Variants in FAXC observed in about 807,000 individuals in gnomAD.
The protein encoded by FAXC is failed axon connections homolog, metaxin like GST domain containing, also known as failed axon connections homolog.
In FAXC, 10 loss-of-function variants were observed where a neutral mutation model predicts 41.9. The observed-to-expected ratio is 0.24, with a 90% confidence interval of 0.15 to 0.41. The LOEUF (loss-of-function observed/expected upper bound fraction) is 0.41, where lower values mean the gene tolerates loss of function less well. FAXC is among the 10% of genes least tolerant of loss of function. The pLI is 1.00. For synonymous variants in FAXC, 183 were observed against 183.8 expected, an observed-to-expected ratio of 1.00 and a Z score of 0.03; for missense variants, 399 against 510.9, an observed-to-expected ratio of 0.78 and a Z score of 2.11.
intron 4 of FAXC, among the ~76,000 whole-genome samples, chr6:99,318,152 G>C (rs909380458): frequency 6.6e-6 from 1 of 151,806 alleles, no homozygotes; most frequent in Non-Finnish European, 1.5e-5. Flanking sequence ...CCAGCTACTC[G>C]GGAGGCTGAG....
At position 99,281,642 on chromosome 6, in the gene FAXC, T is replaced by C. The variant is rs147309252; in HGVS notation, c.941-189A>G. ...CCTCATTCGTGGTACTAGTACCTCA[T>C]AACAGAGGCCTGAGAGAGCTGCCTT... On this transcript the variant is annotated intron_variant, in intron 5 of 5. Coordinates refer to ENST00000389677, the MANE Select transcript of FAXC (RefSeq NM_032511.4). 2.0e-5 allele frequency among the ~76,000 whole-genome samples: 3 copies of C among 152,298 alleles called. No homozygotes were observed. The East Asian group carries it at 5.8e-4, about 29-fold the overall frequency.
chr6:99,333,676 G>T, intron 2 of FAXC, 129 bp from the exon 3 acceptor site: 1 of 755,364 alleles, frequency 1.3e-6, no homozygotes, highest in Non-Finnish European at 2.1e-6. Flanking sequence ...ATGAACTCAG[G>T]GCATAAACTC....
chr6:99,341,687 A>G (rs1773432947), intron 2 of FAXC, among the ~76,000 whole-genome samples: 2 of 152,224 alleles, frequency 1.3e-5, no homozygotes, highest in Non-Finnish European at 2.9e-5. Flanking sequence ...TGCTCCTTTC[A>G]GACAAAAAAA....
rs750007407 is a variant in FAXC at position 99,324,350 on chromosome 6, GCAC to G, written c.600-686_600-684del. On this transcript the variant is annotated intron_variant, in intron 3 of 5. Transcript: ENST00000389677. ...CCAGAGTAGCTGTGACTACAGGCAT[GCAC>G]CACCACACCTAGCCTTTTTGCTTTT... 2.6e-5 allele frequency among the ~76,000 whole-genome samples: 4 copies of G among 152,236 alleles called. No individual in the cohort carries two copies. In the South Asian group the frequency reaches 6.2e-4, roughly 24 times the overall value.
chr6:99,328,241 C>T (rs1370640426), intron 3 of FAXC, among the ~76,000 whole-genome samples: 1 of 152,170 alleles, frequency 6.6e-6, no homozygotes, highest in Non-Finnish European at 1.5e-5. Context: ...TGTGTTGAAA[C>T]CTAACCCCCA....
chr6:99,309,743 A>G (rs757757908), intron 4 of FAXC: 1 of 183,662 alleles, frequency 5.4e-6, no homozygotes, highest in Non-Finnish European at 1.0e-5. Context: ...GAGTTATTGA[A>G]TAATAAGTAA....
At chr6:99,334,552 T>C in intron 2 of FAXC, 2 of 850,874 alleles carry the variant, frequency 2.4e-6, no homozygotes, top group Non-Finnish European at 2.8e-6. Flanking sequence ...TTCTAGAAGC[T>C]GCTAATACAT....
intron 4 of FAXC, among the ~76,000 whole-genome samples, chr6:99,319,949 T>G (rs1201408056): frequency 1.3e-5 from 2 of 152,226 alleles, no homozygotes; most frequent in Non-Finnish European, 2.9e-5. Context: ...AATCTCCTAA[T>G]TTCTATAAAT....
intron 2 of FAXC, among the ~76,000 whole-genome samples, chr6:99,335,550 T>C (rs1773185560): frequency 6.6e-6 from 1 of 152,210 alleles, no homozygotes; most frequent in African/African-American, 2.4e-5. Context: ...TATCAGCAAA[T>C]CGGGCATCAG....
intron 4 of FAXC, among the ~76,000 whole-genome samples, chr6:99,305,623 G>A (rs221530): frequency 0.75 from 113,365 of 151,258 alleles, 42,724 homozygotes; most frequent in Middle Eastern, 0.88. Context: ...AAACCCATGA[G>A]AATAATATAG....
At position 99,275,174 on chromosome 6, in the gene FAXC, A is replaced by G. The variant is rs1172841762; in HGVS notation, c.*5990T>C. 1 of 152,204 alleles carries G rather than the reference A, an allele frequency of 6.6e-6. No individual in the cohort carries two copies. The highest frequency in any genetic ancestry group is 1.5e-5 in the Non-Finnish European group (1 of 68,032). 9.4% of individuals were successfully genotyped at this position (152,204 alleles called of 1,614,324 possible). ...AATAAATAAAAATAAATGCATGCCA[A>G]TGGGGGGTGGGAGGTGAATTAGTCA... On this transcript the variant is annotated 3_prime_UTR_variant, in exon 6 of 6. Transcript: ENST00000389677.
chr6:99,315,053 G>A (rs1166427159), intron 4 of FAXC, among the ~76,000 whole-genome samples: 1 of 151,686 alleles, frequency 6.6e-6, no homozygotes, highest in African/African-American at 2.4e-5. Flanking sequence ...GGCCAACATG[G>A]TGAAAGACCA....
At chr6:99,293,690 G>C (rs964341198) in intron 4 of FAXC, among the ~76,000 whole-genome samples, 3 of 138,662 alleles carry the variant, frequency 2.2e-5, no homozygotes, top group Non-Finnish European at 4.8e-5. Context: ...GTGTGTGTGT[G>C]TGTGTGTGTG....
intron 4 of FAXC, among the ~76,000 whole-genome samples, chr6:99,299,069 CA>C (rs1370492609): frequency 6.6e-6 from 1 of 151,486 alleles, no homozygotes; most frequent in African/African-American, 2.4e-5. Context: ...CTGGAATTCA[CA>C]AAAAAAAATT....
rs1773703456 is a variant in FAXC, at chr6:99,349,196, G to A, written c.177C>T (p.Ser59=). The A allele has an allele frequency of 1.1e-5, 18 of 1,613,786 alleles. No individual in the cohort carries two copies. The highest frequency in any genetic ancestry group is 1.3e-5 in the African/African-American group (1 of 74,932). Residue 59 remains serine, a synonymous_variant, in exon 1 of 6, where the codon TCC becomes TCT. Coordinates refer to ENST00000389677, the MANE Select transcript of FAXC (RefSeq NM_032511.4). ...AAAGGGTTTTCTTCCACCAGGGATC[G>A]GAGCCCAGCCCTGCCATGATCCCAC... ...DYGGIMAGLG[S]DPWWKKTLYL... is the part of the protein sequence containing the mutation.
chr6:99,306,109 CATGA>C (rs1417782533), intron 4 of FAXC, among the ~76,000 whole-genome samples: 1 of 151,932 alleles, frequency 6.6e-6, no homozygotes, highest in Non-Finnish European at 1.5e-5. Flanking sequence ...TAGACAGAGA[CATGA>C]ATGTCAAGCA....
Position 99,271,248 on chromosome 6 carries a change from C to T in FAXC, c.*9916G>A, listed in dbSNP as rs2128442960. On this transcript the variant is annotated 3_prime_UTR_variant, in exon 6 of 6. Coordinates refer to ENST00000389677, the MANE Select transcript of FAXC (RefSeq NM_032511.4). The stretch of plus-strand genomic sequence containing the variant: ...AATGACCCTCTTCCCTCTGATGAGT[C>T]CTGAAAGCTAGGACAGCAAAGCTTC... 1 of 152,294 alleles carries T rather than the reference C, an allele frequency of 6.6e-6. No homozygotes were observed. Among genetic ancestry groups the T allele is most frequent in the South Asian group, 2.1e-4 (1 of 4,828 alleles). 9.4% of individuals were successfully genotyped at this position (152,294 alleles called of 1,614,324 possible). A position where few individuals can be genotyped will look rare whatever the true frequency, so the allele number is the denominator to read the frequency against.
intron 4 of FAXC, among the ~76,000 whole-genome samples, chr6:99,312,447 C>T (rs1033636896): frequency 3.3e-5 from 5 of 152,190 alleles, no homozygotes; most frequent in African/African-American, 1.2e-4. Context: ...GGGTATCACT[C>T]ATTCATAGAG....
At chr6:99,295,176 G>A (rs953123202) in intron 4 of FAXC, among the ~76,000 whole-genome samples, 2 of 152,190 alleles carry the variant, frequency 1.3e-5, no homozygotes, top group African/African-American at 4.8e-5. Flanking sequence ...GTGGAATTTA[G>A]TATCTGTGGA....
Sources: allele counts gnomAD v4.1 joint callset (sites outside exome capture counted in the v4.1 genomes callset), GRCh38; gene constraint gnomAD v4.1.1; transcripts MANE v1.5; gene names NCBI Gene and HGNC (gene_info 2026-07-23, HGNC 2026-07-21).